The following CAST variants were observed in gnomAD, a reference collection of about 807,000 sequenced individuals.
The protein encoded by CAST is MIR583 host.
Under a neutral mutation model 119.6 loss-of-function variants are expected in CAST, and 76 were observed. The observed-to-expected ratio is 0.64, with a 90% confidence interval of 0.53 to 0.77. The LOEUF is 0.77. Among genes scored for constraint, CAST ranks in the 30% least tolerant of loss-of-function variants. CAST has a pLI of 0.00. For synonymous variants in CAST, 319 were observed against 331.6 expected, an observed-to-expected ratio of 0.96 and a Z score of 0.41; for missense variants, 953 against 946.5, an observed-to-expected ratio of 1.01 and a Z score of -0.09.
At chr5:96,277,342 A>G in the CAST span, among the ~76,000 whole-genome samples, 1 of 151,452 alleles carries the variant, frequency 6.6e-6, no homozygotes, top group Admixed American at 6.6e-5. Flanking sequence ...CTTTCCAGCC[A>G]TTGGTGTCCT....
chr5:96,010,695 G>A, the CAST span, among the ~76,000 whole-genome samples: 1 of 152,194 alleles, frequency 6.6e-6, no homozygotes, highest in Admixed American at 6.5e-5. Flanking sequence ...GCTTTGGACA[G>A]TATGACCATT....
chr5:96,116,777 G>A, the CAST span, among the ~76,000 whole-genome samples: 6 of 151,988 alleles, frequency 3.9e-5, no homozygotes, highest in African/African-American at 1.5e-4. Context: ...TAAAAAATTG[G>A]GTAGTGTATC....
the CAST span, among the ~76,000 whole-genome samples, chr5:96,303,895 T>C: frequency 1.8e-4 from 27 of 152,322 alleles, no homozygotes; most frequent in Non-Finnish European, 3.5e-4. Context: ...TTGTGAACAG[T>C]GCCACAATAA....
At chr5:96,654,873 C>T (rs1403765418) in intron 1 of CAST, among the ~76,000 whole-genome samples, 1 of 152,116 alleles carries the variant, frequency 6.6e-6, no homozygotes, top group Non-Finnish European at 1.5e-5. Context: ...TAAGACTTTC[C>T]TTTTATTATT....
chr5:96,640,187 G>T (rs985608239), intron 1 of CAST, among the ~76,000 whole-genome samples: 1 of 152,150 alleles, frequency 6.6e-6, no homozygotes, highest in Non-Finnish European at 1.5e-5. Context: ...GGAAAGGAAG[G>T]CATGTTAGCC....
chr5:96,455,809 G>A, the CAST span, among the ~76,000 whole-genome samples: 10 of 151,980 alleles, frequency 6.6e-5, no homozygotes, highest in Admixed American at 2.0e-4. Context: ...GTTTTTCTTC[G>A]TAGTTTTTAC....
Position 96,726,668 on chromosome 5 carries a change from A to G in CAST, c.271-126A>G, listed in dbSNP as rs1043011111. 12 of 634,938 alleles carry G rather than the reference A, an allele frequency of 1.9e-5. 1 individual carries two copies. In the South Asian group the frequency reaches 2.1e-4, roughly 11 times the overall value. 39.3% of individuals were successfully genotyped at this position (634,938 alleles called of 1,614,324 possible). On this transcript the variant is annotated intron_variant, in intron 4 of 31. Transcript: ENST00000675179. ...CCTACAGCTTCTTGGAGTTATACAC[A>G]TATGCATCGAGTAGATGCAATAGAT...
intron 1 of CAST, among the ~76,000 whole-genome samples, chr5:96,607,388 T>C (rs1391208961): frequency 1.3e-5 from 2 of 152,226 alleles, no homozygotes; most frequent in Non-Finnish European, 2.9e-5. Flanking sequence ...ACTTTTCACT[T>C]CATTCACTGC....
intron 1 of CAST, among the ~76,000 whole-genome samples, chr5:96,641,447 G>GA (rs35866762): frequency 0.27 from 40,798 of 151,582 alleles, 5,632 homozygotes; most frequent in Admixed American, 0.29. Flanking sequence ...ATGGGGTAAT[G>GA]AAAAAAACTC....
intron 1 of CAST, among the ~76,000 whole-genome samples, chr5:96,534,786 A>AAAG (rs1745766620): frequency 2.3e-5 from 3 of 131,440 alleles, no homozygotes; most frequent in South Asian, 2.3e-4. Context: ...AGAAAGAAAG[A>AAAG]AAGAAAGAAA....
chr5:96,534,724 A>AAGGAAGGAAGGAAG (rs1561408779), intron 1 of CAST, among the ~76,000 whole-genome samples: 18 of 19,488 alleles, frequency 9.2e-4, no homozygotes, highest in East Asian at 2.3e-3. Flanking sequence ...GGAGAGAGAG[A>AAGGAAGGAAGGAAG]GAGAGAGAGA....
At chr5:96,423,303 A>C in the CAST span, 11 of 1,603,282 alleles carry the variant, frequency 6.9e-6, no homozygotes, top group Non-Finnish European at 9.4e-6. Context: ...ATGAGAAGGC[A>C]CACACTTACA....
the CAST span, among the ~76,000 whole-genome samples, chr5:96,210,571 A>G: frequency 3.3e-5 from 5 of 152,114 alleles, no homozygotes; most frequent in South Asian, 8.3e-4. Flanking sequence ...TACCAATATT[A>G]TACAATTTTG....
At chr5:96,157,246 T>C in the CAST span, among the ~76,000 whole-genome samples, 1 of 152,196 alleles carries the variant, frequency 6.6e-6, no homozygotes, top group Non-Finnish European at 1.5e-5. Context: ...GTGTGATCAC[T>C]AGCAAGCCAG....
intron 1 of CAST, among the ~76,000 whole-genome samples, chr5:96,590,264 G>T (rs72772014): frequency 0.039 from 6,013 of 152,262 alleles, 174 homozygotes; most frequent in African/African-American, 0.082. Flanking sequence ...TTTTTAGTGA[G>T]ATACCCAGAT....
chr5:96,314,961 T>G, the CAST span, among the ~76,000 whole-genome samples: 2 of 152,220 alleles, frequency 1.3e-5, no homozygotes, highest in Admixed American at 1.3e-4. Context: ...AACAAGAAAG[T>G]TTATTTAGTA....
intron 1 of CAST, among the ~76,000 whole-genome samples, chr5:96,601,964 G>A (rs983877020): frequency 1.3e-5 from 2 of 152,272 alleles, no homozygotes; most frequent in African/African-American, 4.8e-5. Flanking sequence ...AAGGTCTTCC[G>A]GCTCCCTCTG....
chr5:96,254,785 T>G, the CAST span, among the ~76,000 whole-genome samples: 1 of 152,136 alleles, frequency 6.6e-6, no homozygotes, highest in African/African-American at 2.4e-5. Context: ...TTTGATTTTA[T>G]TTTGGAATAG....
intron 1 of CAST, among the ~76,000 whole-genome samples, chr5:96,641,999 C>T (rs759586765): frequency 6.6e-6 from 1 of 152,194 alleles, no homozygotes; most frequent in East Asian, 1.9e-4. Context: ...TTACTGCAAT[C>T]GAAAATGCCT....
Sources: gnomAD v4.1 joint callset for allele counts (sites outside exome capture counted in the v4.1 genomes callset) on GRCh38, gnomAD v4.1.1 for gene constraint, MANE v1.5 for transcripts, NCBI Gene and HGNC (gene_info 2026-07-23, HGNC 2026-07-21) for gene names.